Variants in JAKMIP1 observed in about 807,000 individuals in gnomAD.
JAKMIP1 encodes the protein janus kinase and microtubule interacting protein 1.
In JAKMIP1, 33 loss-of-function variants were observed where a neutral mutation model predicts 113.0. The ratio of observed to expected loss-of-function variants is 0.29; its 90% CI spans 0.22 to 0.39. The LOEUF is 0.39. Ranked by LOEUF, JAKMIP1 falls within the 10% of genes least tolerant of loss-of-function variation. JAKMIP1 has a pLI of 1.00. For missense variants in JAKMIP1, 813 were observed against 1,080.5 expected (o/e 0.75, Z 3.47); for synonymous variants, 480 against 459.9 (o/e 1.04, Z -0.56).
Position 6,065,068 on chromosome 4 carries a change from C to A in JAKMIP1, c.1303-60G>T. ...CTGAGGATTGCCAGAGTCTACCAGTCCCTGGTCGTGGGCATGCCAGTGCAG... is the reference window on the plus strand; with the variant it reads ...CTGAGGATTGCCAGAGTCTACCAGTACCTGGTCGTGGGCATGCCAGTGCAG... On this transcript the variant is annotated intron_variant, in intron 8 of 20. Transcript: ENST00000409021. The surrounding 1 kb of genome is among the most constrained non-coding windows in gnomAD (Gnocchi z 5.1). 1 of 1,605,186 alleles carries A rather than the reference C, an allele frequency of 6.2e-7. No individual in the cohort carries two copies. Among genetic ancestry groups the A allele is most frequent in the Non-Finnish European group, 8.5e-7 (1 of 1,174,240 alleles).
intron 12 of JAKMIP1, chr4:6,054,635 C>G (rs568418842): frequency 2.4e-6 from 1 of 414,980 alleles, no homozygotes; most frequent in African/African-American, 2.0e-5. Context: ...CAGAAGAAGC[C>G]GTAAAGGCAG....
intron 1 of JAKMIP1, among the ~76,000 whole-genome samples, chr4:6,117,416 G>A (rs2108900504): frequency 6.6e-6 from 1 of 152,256 alleles, no homozygotes; most frequent in Non-Finnish European, 1.5e-5. Context: ...AGGGGAGGGG[G>A]TATACGAATA....
At chr4:6,123,705 T>C (rs1392142556) in intron 1 of JAKMIP1, among the ~76,000 whole-genome samples, 1 of 152,040 alleles carries the variant, frequency 6.6e-6, no homozygotes, top group Non-Finnish European at 1.5e-5. Context: ...CCTGTAGTCC[T>C]AGCTACCCAG....
intron 3 of JAKMIP1, among the ~76,000 whole-genome samples, chr4:6,105,235 C>T (rs2108873602): frequency 6.6e-6 from 1 of 152,340 alleles, no homozygotes; most frequent in South Asian, 2.1e-4. Context: ...GAGGCATTTG[C>T]AACAACCCTC....
chr4:6,064,852 G>T lies in JAKMIP1; in HGVS notation c.1431+28C>A. 1 of 1,613,336 alleles carries T rather than the reference G, an allele frequency of 6.2e-7. No individual in the cohort carries two copies. Among genetic ancestry groups the T allele is most frequent in the Non-Finnish European group, 8.5e-7 (1 of 1,179,924 alleles). ...CCGCCCCGAGAGCATCTGGGGTGAG[G>T]TCCCGCCCTCTCTGCAGGTTTGCTT... On this transcript the variant is annotated intron_variant, in intron 9 of 20. Transcript: ENST00000409021. The surrounding 1 kb of genome is among the most constrained non-coding windows in gnomAD (Gnocchi z 4.3).
In JAKMIP1 at chr4:6,065,381, AGC is replaced by A. The variant is rs1175189405; in HGVS notation, c.1303-375_1303-374del. Among the ~76,000 whole-genome samples, 5 of 152,346 alleles carry A rather than the reference AGC, an allele frequency of 3.3e-5. No homozygotes were observed. The highest frequency in any genetic ancestry group is 6.5e-5 in the Admixed American group (1 of 15,306). On this transcript the variant is annotated intron_variant, in intron 8 of 20. Coordinates refer to ENST00000409021, the MANE Select transcript of JAKMIP1 (RefSeq NM_001099433.2). The surrounding 1 kb of genome is among the most constrained non-coding windows in gnomAD (Gnocchi z 5.1). Reference sequence around the variant, plus strand: ...CATGCATGCCCTGTGCCCAGAAAGCAGCCCAGCACTCCGTCACGCTCCATGAG... The same window carrying A: ...CATGCATGCCCTGTGCCCAGAAAGCACCAGCACTCCGTCACGCTCCATGAG...
chr4:6,157,332 C>T lies in JAKMIP1; in HGVS notation c.-148+42921G>A, dbSNP rs146227588. On this transcript the variant is annotated intron_variant, in intron 1 of 20. Transcript: ENST00000409021. This position sits in a 1 kb window ranked among gnomAD's most constrained non-coding sequence, Gnocchi z 4.7. The stretch of plus-strand genomic sequence containing the variant: ...GTTACTCCCTCTGCAAAAAGGCGCA[C>T]GGGATGGGAAGCTGGCGCACAACAC... Among the ~76,000 whole-genome samples the T allele has an allele frequency of 3.6e-3, 554 of 152,252 alleles. 1 individual carries two copies. Among genetic ancestry groups the T allele is most frequent in the Non-Finnish European group, 6.0e-3 (405 of 68,018 alleles).
rs1722262335 is a variant in JAKMIP1, at chr4:6,156,583, G to C, written c.-147-43586C>G. On this transcript the variant is annotated intron_variant, in intron 1 of 20. Coordinates refer to ENST00000409021, the MANE Select transcript of JAKMIP1 (RefSeq NM_001099433.2). The surrounding 1 kb of genome is among the most constrained non-coding windows in gnomAD (Gnocchi z 5.0). ...AGCCCCCAGTCATCCTGGTGACCCAGGGCTTAGCTACTGAGATGCAACTCA... is the reference window on the plus strand; with the variant it reads ...AGCCCCCAGTCATCCTGGTGACCCACGGCTTAGCTACTGAGATGCAACTCA... Among the ~76,000 whole-genome samples the C allele has an allele frequency of 6.6e-6, 1 of 152,230 alleles. No homozygotes were observed.
intron 1 of JAKMIP1, among the ~76,000 whole-genome samples, chr4:6,172,229 G>T (rs774115965): frequency 1.3e-5 from 2 of 152,190 alleles, no homozygotes; most frequent in Non-Finnish European, 2.9e-5. Flanking sequence ...CCTCCATGCT[G>T]CCCGAGCACT....
rs201032711 is a variant in JAKMIP1, at chr4:6,042,197, C to T, written c.2059G>A (p.Ala687Thr). ...WLKQIEGTEA[A>T]LTQKMLDLEK... Reference sequence around the variant, plus strand: ...AGGTCCAGCATCTTCTGGGTCAGGGCGGCCTCGGTCCCCTCTATTTGCTTC... The same window carrying T: ...AGGTCCAGCATCTTCTGGGTCAGGGTGGCCTCGGTCCCCTCTATTTGCTTC... Residue 687 changes from alanine to threonine, a missense_variant, in exon 17 of 21, where the codon GCC (alanine) becomes ACC (threonine). Physicochemically the swap from Ala to Thr is moderately conservative, Grantham distance 58 (BLOSUM62 0). This residue lies in a region of JAKMIP1 where 273 missense variants were observed against 426.6 expected (regional missense o/e 0.64). Coordinates refer to ENST00000409021, the MANE Select transcript of JAKMIP1 (RefSeq NM_001099433.2). The surrounding 1 kb of genome is among the most constrained non-coding windows in gnomAD (Gnocchi z 5.2). The T allele has an allele frequency of 8.1e-6, 13 of 1,613,810 alleles. No homozygotes were observed. Among genetic ancestry groups the T allele is most frequent in the African/African-American group, 2.7e-5 (2 of 75,052 alleles).
intron 12 of JAKMIP1, chr4:6,054,897 C>A: frequency 2.2e-6 from 1 of 455,948 alleles, no homozygotes; most frequent in Non-Finnish European, 4.4e-6. Flanking sequence ...TGATCCCACC[C>A]CCGGGAGACC....
In JAKMIP1 at chr4:6,194,275, C is replaced by T. The variant is rs888630504; in HGVS notation, c.-148+5978G>A. 2.0e-5 allele frequency among the ~76,000 whole-genome samples: 3 copies of T among 152,086 alleles called. No individual in the cohort carries two copies. The highest frequency in any genetic ancestry group is 3.4e-3 in the Middle Eastern group (1 of 294). On this transcript the variant is annotated intron_variant, in intron 1 of 20. Coordinates refer to ENST00000409021, the MANE Select transcript of JAKMIP1 (RefSeq NM_001099433.2). This position sits in a 1 kb window ranked among gnomAD's most constrained non-coding sequence, Gnocchi z 7.4. The stretch of plus-strand genomic sequence containing the variant: ...TGCCACCGAATTGTACCATTGAAAA[C>T]GGTTTACAGTAAATGAATTTCACCT...
At position 6,107,175 on chromosome 4, in the gene JAKMIP1, A is replaced by C. The variant is rs373327321; in HGVS notation, c.130-1208T>G. On this transcript the variant is annotated intron_variant, in intron 2 of 20. Transcript: ENST00000409021. ...ATCAGCATCTTTTCCTAGTGGATTT[A>C]GCAGCAGGAAGCCAGAACTTTAAGT... Among the ~76,000 whole-genome samples the C allele has an allele frequency of 2.4e-4, 37 of 152,324 alleles. 1 individual carries two copies. The South Asian group carries it at 6.9e-3, about 28-fold the overall frequency.
chr4:6,111,684 G>A (rs1714956687), intron 2 of JAKMIP1, among the ~76,000 whole-genome samples: 1 of 152,184 alleles, frequency 6.6e-6, no homozygotes, highest in African/African-American at 2.4e-5. Flanking sequence ...GAAAGCCTGT[G>A]CTCCTCCCCT....
rs1220932157 is a variant in JAKMIP1, at chr4:6,064,796, C to T, written c.1431+84G>A. On this transcript the variant is annotated intron_variant, in intron 9 of 20. Coordinates refer to ENST00000409021, the MANE Select transcript of JAKMIP1 (RefSeq NM_001099433.2). The surrounding 1 kb of genome is among the most constrained non-coding windows in gnomAD (Gnocchi z 4.3). ...GGGTTCAGAACTATAGGCAAGGGAG[C>T]GAAACTTGCAACTATCAAAAGCAGG... 10 of 1,573,548 alleles carry T rather than the reference C, an allele frequency of 6.4e-6. No homozygotes were observed. The highest frequency in any genetic ancestry group is 1.4e-5 in the African/African-American group (1 of 73,804).
chr4:6,087,564 T>C (rs1721478630), intron 3 of JAKMIP1, among the ~76,000 whole-genome samples: 3 of 152,160 alleles, frequency 2.0e-5, no homozygotes, highest in Admixed American at 6.5e-5. Flanking sequence ...AAGGAAATGG[T>C]ACTCCTAGAT....
intron 16 of JAKMIP1, among the ~76,000 whole-genome samples, chr4:6,046,821 G>T (rs1250698019): frequency 6.6e-6 from 1 of 152,178 alleles, no homozygotes; most frequent in Non-Finnish European, 1.5e-5. Context: ...GAACGGCTCA[G>T]GTGGGAGAAC....
At chr4:6,195,957 T>C (rs1727780976) in intron 1 of JAKMIP1, among the ~76,000 whole-genome samples, 1 of 152,252 alleles carries the variant, frequency 6.6e-6, no homozygotes, top group Non-Finnish European at 1.5e-5. Context: ...TCCTGGCACT[T>C]GCTAAGTGCC....
Position 6,085,549 on chromosome 4 carries a change from C to A in JAKMIP1, c.705G>T (p.Lys235Asn). ...CCAAAGCCTCTTTCTGCAGAAGCAG[C>A]TTCTGGGTCTGCCCAGCCTGCACGC... ...ELGVQAGQTQ[K>N]LLLQKEALDE... The change falls in exon 4 of 21, where the codon AAG becomes AAT. Residue 235 changes from lysine to asparagine, a missense_variant. Physicochemically the swap from Lys to Asn is moderately conservative, Grantham distance 94 (BLOSUM62 0). This residue lies in a region of JAKMIP1 where 540 missense variants were observed against 653.9 expected (regional missense o/e 0.83). Coordinates refer to ENST00000409021, the MANE Select transcript of JAKMIP1 (RefSeq NM_001099433.2). The A allele has an allele frequency of 6.2e-7, 1 of 1,614,242 alleles. No homozygotes were observed. Among genetic ancestry groups the A allele is most frequent in the Non-Finnish European group, 8.5e-7 (1 of 1,180,038 alleles).
Sources: gnomAD v4.1 joint callset for allele counts (sites outside exome capture counted in the v4.1 genomes callset) on GRCh38, gnomAD v4.1.1 for gene constraint, gnomAD v4.1.1 regional missense constraint, Gnocchi (gnomAD v3.1) non-coding constraint, MANE v1.5 for transcripts, NCBI Gene and HGNC (gene_info 2026-07-23, HGNC 2026-07-21) for gene names.